The following UXS1 variants were observed in gnomAD, a reference collection of about 807,000 sequenced individuals.
The protein encoded by UXS1 is UDP-glucuronate decarboxylase 1.
Under a neutral mutation model 62.6 loss-of-function variants are expected in UXS1, and 33 were observed. The observed-to-expected ratio is 0.53, with a 90% CI of 0.40 to 0.70. The LOEUF is 0.70. Among genes scored for constraint, UXS1 ranks in the 30% least tolerant of loss-of-function variants. The pLI is 0.00. For missense variants in UXS1, 434 were observed against 556.3 expected (o/e 0.78, Z 2.21); for synonymous variants, 213 against 206.8 (o/e 1.03, Z -0.26).
At chr2:106,167,404 G>A (rs890736654) in intron 1 of UXS1, among the ~76,000 whole-genome samples, 6 of 152,106 alleles carry the variant, frequency 3.9e-5, no homozygotes, top group African/African-American at 1.4e-4. Context: ...TGTGAGCTTG[G>A]GAAGGCCCTG....
At chr2:106,185,638 A>G (rs1684507339) in intron 1 of UXS1, among the ~76,000 whole-genome samples, 1 of 152,270 alleles carries the variant, frequency 6.6e-6, no homozygotes, top group East Asian at 1.9e-4. Flanking sequence ...ATATGTCCAC[A>G]TTCCAATTCC....
In UXS1 at chr2:106,180,293, T is replaced by C. The variant is rs1033311082; in HGVS notation, c.94+13855A>G. ...CTGGAAGGGAGCGATGCTTTCCATA[T>C]ACTTCCAGACTGTTTGACTGTTAAA... is the stretch of plus-strand genomic sequence containing the variant. On this transcript the variant is annotated intron_variant, in intron 1 of 14. Coordinates refer to ENST00000283148, the MANE Select transcript of UXS1 (RefSeq NM_001253875.2). Among the ~76,000 whole-genome samples, 8 of 152,338 alleles carry C rather than the reference T, an allele frequency of 5.3e-5. No homozygotes were observed. The East Asian group carries it at 1.2e-3, about 22-fold the overall frequency.
chr2:106,174,419 G>C (rs1315239639), intron 1 of UXS1, among the ~76,000 whole-genome samples: 1 of 152,210 alleles, frequency 6.6e-6, no homozygotes, highest in Non-Finnish European at 1.5e-5. Flanking sequence ...GAGCCCACCG[G>C]TCCTGAGGGT....
At chr2:106,119,903 T>C (rs1480001424) in intron 9 of UXS1, among the ~76,000 whole-genome samples, 1 of 152,216 alleles carries the variant, frequency 6.6e-6, no homozygotes, top group Non-Finnish European at 1.5e-5. Context: ...TGTCTCTAGA[T>C]GGGATTATGC....
intron 6 of UXS1, among the ~76,000 whole-genome samples, chr2:106,136,352 G>A (rs1469085048): frequency 6.7e-6 from 1 of 148,896 alleles, no homozygotes; most frequent in African/African-American, 2.5e-5. Context: ...AAGTCAGTGT[G>A]GCGATTCCTC....
chr2:106,097,053 A>G (rs928257136), intron 13 of UXS1: 1 of 650,866 alleles, frequency 1.5e-6, no homozygotes, highest in Non-Finnish European at 2.8e-6. Context: ...GCGCCCAGCA[A>G]GAGCTCGGTG....
intron 10 of UXS1, among the ~76,000 whole-genome samples, chr2:106,106,565 G>A (rs545559339): frequency 6.6e-6 from 1 of 152,286 alleles, no homozygotes; most frequent in Admixed American, 6.5e-5. Flanking sequence ...ACTGAGGAAT[G>A]GGGATTCCTG....
intron 10 of UXS1, among the ~76,000 whole-genome samples, chr2:106,110,517 C>T (rs537754306): frequency 3.6e-4 from 55 of 152,282 alleles, no homozygotes; most frequent in African/African-American, 1.3e-3. Flanking sequence ...AGGCTGTCCT[C>T]GAGATGTGGA....
chr2:106,151,064 G>C (rs1425998108), intron 5 of UXS1, among the ~76,000 whole-genome samples: 1 of 152,176 alleles, frequency 6.6e-6, no homozygotes, highest in East Asian at 1.9e-4. Flanking sequence ...TCCCACGCCT[G>C]TTCCACCATT....
At chr2:106,106,553 A>C (rs889126516) in intron 10 of UXS1, among the ~76,000 whole-genome samples, 2 of 152,154 alleles carry the variant, frequency 1.3e-5, no homozygotes, top group African/African-American at 4.8e-5. Context: ...AAGGCTGGGG[A>C]TACTGAGGAA....
At chr2:106,094,900 T>TA (rs1382343474) in intron 14 of UXS1, among the ~76,000 whole-genome samples, 1 of 152,236 alleles carries the variant, frequency 6.6e-6, no homozygotes, top group African/African-American at 2.4e-5. Context: ...GATGAAAACT[T>TA]ATCAAATTGT....
At chr2:106,095,825 G>T (rs983306332) in intron 14 of UXS1, among the ~76,000 whole-genome samples, 8 of 152,230 alleles carry the variant, frequency 5.3e-5, no homozygotes, top group Non-Finnish European at 8.8e-5. Context: ...GAAGGACACA[G>T]GCAGCCCTGA....
At chr2:106,159,688 G>A (rs765295062) in intron 4 of UXS1, among the ~76,000 whole-genome samples, 23 of 152,204 alleles carry the variant, frequency 1.5e-4, no homozygotes, top group African/African-American at 5.1e-4. Flanking sequence ...AGGTGGCACC[G>A]TCTCCATCCC....
At chr2:106,190,796 T>C (rs948798789) in intron 1 of UXS1, among the ~76,000 whole-genome samples, 1 of 149,562 alleles carries the variant, frequency 6.7e-6, no homozygotes, top group Admixed American at 6.7e-5. Flanking sequence ...AGGGAAATGG[T>C]GGCAGGGGAT....
chr2:106,178,899 C>A (rs879358384), intron 1 of UXS1, among the ~76,000 whole-genome samples: 3 of 152,228 alleles, frequency 2.0e-5, no homozygotes, highest in Non-Finnish European at 2.9e-5. Flanking sequence ...ACTTCCTGAC[C>A]AAGAAATAAT....
rs145949165 is a variant in UXS1 at position 106,103,311 on chromosome 2, C to T, written c.923+1483G>A. Among the ~76,000 whole-genome samples, 394 of 152,284 alleles carry T rather than the reference C, an allele frequency of 2.6e-3. 1 individual carries two copies. The Middle Eastern group carries it at 0.037, about 14-fold the overall frequency. The stretch of plus-strand genomic sequence containing the variant: ...TGGGTCCTGACTGGTTTCCTTTTAC[C>T]GCACAACATCTCATTGATATTCCAT... On this transcript the variant is annotated intron_variant, in intron 11 of 14. Transcript: ENST00000283148.
intron 1 of UXS1, among the ~76,000 whole-genome samples, chr2:106,181,298 T>C (rs1684229126): frequency 1.3e-5 from 2 of 152,162 alleles, no homozygotes; most frequent in African/African-American, 4.8e-5. Context: ...CTCATCTCTC[T>C]CTGAAAACTG....
chr2:106,187,742 C>CT (rs1342715749), intron 1 of UXS1, among the ~76,000 whole-genome samples: 4,196 of 139,424 alleles, frequency 0.03, 77 homozygotes, highest in East Asian at 0.064. Context: ...CTGTAATTTC[C>CT]TTTTTTTTTT....
chr2:106,164,815 C>G lies in UXS1; in HGVS notation c.123-16G>C. 1 of 1,562,068 alleles carries G rather than the reference C, an allele frequency of 6.4e-7. No homozygotes were observed. On this transcript the variant is annotated splice_polypyrimidine_tract_variant and intron_variant, in intron 2 of 14. Transcript: ENST00000283148. ...GAGTAGAAAGCTATAAAACTGAGAT[C>G]AACTGAAAGGCTTTGTGACTTTAAG...
Sources: gnomAD v4.1 joint callset for allele counts (sites outside exome capture counted in the v4.1 genomes callset) on GRCh38, gnomAD v4.1.1 for gene constraint, MANE v1.5 for transcripts, NCBI Gene and HGNC (gene_info 2026-07-23, HGNC 2026-07-21) for gene names.